The following C4orf50 variants were observed in gnomAD, a reference collection of about 807,000 sequenced individuals.
C4orf50 encodes the protein uncharacterized protein C4orf50.
Under a neutral mutation model 77.2 loss-of-function variants are expected in C4orf50, and 80 were observed. The observed-to-expected ratio is 1.04, with a 90% CI of 0.87 to 1.25. The LOEUF (loss-of-function observed/expected upper bound fraction) is 1.25, where lower values mean the gene tolerates loss of function less well. Among genes scored for constraint, C4orf50 ranks in the 50% most tolerant of loss-of-function variants. The probability of loss-of-function intolerance (pLI) is 0.00; values close to 1 mark genes in which losing one functional copy is unlikely to be tolerated. For missense variants in C4orf50, 1,257 were observed against 1,152.9 expected, an observed-to-expected ratio of 1.09 and a Z score of -1.31; for synonymous variants, 532 against 465.3, an observed-to-expected ratio of 1.14 and a Z score of -1.84.
chr4:5,939,441 C>T (rs1368413179), intron 7 of C4orf50, among the ~76,000 whole-genome samples: 2 of 152,190 alleles, frequency 1.3e-5, no homozygotes, highest in African/African-American at 2.4e-5. Context: ...TGAAACTCCC[C>T]CTTGGCTTTG....
intron 30 of C4orf50, 102 bp downstream of exon 8, chr4:5,975,797 A>T (rs1720242985): frequency 1.1e-6 from 1 of 951,290 alleles, no homozygotes; most frequent in African/African-American, 1.6e-5. Flanking sequence ...CCCTACCCAG[A>T]CTTTTATACA....
chr4:5,916,960 G>A lies in C4orf50; in HGVS notation c.*2475-18772C>T, dbSNP rs1323743452. On this transcript the variant is annotated intron_variant, in intron 7 of 7. Transcript: ENST00000324058. This position sits in a 1 kb window ranked among gnomAD's most constrained non-coding sequence, Gnocchi z 4.4. Reference sequence around the variant, plus strand: ...CTGAAGAGGGTGGAAATCCAGAGCTGGCTTTCCCTAGAAGTTGGAAGTTTC... The same window carrying A: ...CTGAAGAGGGTGGAAATCCAGAGCTAGCTTTCCCTAGAAGTTGGAAGTTTC... Among the ~76,000 whole-genome samples the A allele has an allele frequency of 6.6e-6, 1 of 152,154 alleles. No homozygotes were observed. Among genetic ancestry groups the A allele is most frequent in the Non-Finnish European group, 1.5e-5 (1 of 68,028 alleles).
At position 6,000,529 on chromosome 4, in the gene C4orf50, T is replaced by A. The variant is rs1241406348; in HGVS notation, c.964-6053A>T. On this transcript the variant is annotated intron_variant, in intron 25 of 33. Coordinates refer to ENST00000531445, the Ensembl canonical transcript of C4orf50. This position sits in a 1 kb window ranked among gnomAD's most constrained non-coding sequence, Gnocchi z 6.0. ...AGATGGACAGAGACTGGCAGCCTTG[T>A]CACATGCTGCAGCCTGGGTCCAGCC... Among the ~76,000 whole-genome samples the A allele has an allele frequency of 2.0e-5, 3 of 152,118 alleles. No homozygotes were observed. Among genetic ancestry groups the A allele is most frequent in the Admixed American group, 2.0e-4 (3 of 15,284 alleles).
At chr4:5,978,098 ACAG>A (rs896435904) in intron 29 of C4orf50, among the ~76,000 whole-genome samples, 29 of 152,268 alleles carry the variant, frequency 1.9e-4, no homozygotes, top group African/African-American at 7.0e-4. Flanking sequence ...ATCAGAAAAT[ACAG>A]CTCAAAACCA....
chr4:6,003,820 T>C (rs913860120), intron 25 of C4orf50, among the ~76,000 whole-genome samples: 1 of 108,082 alleles, frequency 9.3e-6, no homozygotes, highest in Admixed American at 1.0e-4. Flanking sequence ...ATGGTGATGA[T>C]GGTGATGGTG....
intron 28 of C4orf50, among the ~76,000 whole-genome samples, chr4:5,983,403 T>A (rs1301859426): frequency 1.3e-5 from 2 of 152,188 alleles, no homozygotes; most frequent in African/African-American, 4.8e-5. Context: ...CTGACTACTT[T>A]CTGTTTTTCC....
At chr4:5,989,547 T>A (rs1325080901) in exon 28 of C4orf50, 3 of 1,536,108 alleles carry the variant, frequency 2.0e-6, no homozygotes, top group Admixed American at 3.9e-5. Context: ...CTCCCCTACA[T>A]GCAGAGGCTG....
intron 25 of C4orf50, among the ~76,000 whole-genome samples, chr4:6,004,295 A>T (rs866311424): frequency 1.8e-3 from 83 of 45,236 alleles, no homozygotes; most frequent in South Asian, 5.1e-3. Flanking sequence ...GTTGGTGATG[A>T]TGGTGATGGT....
rs1722752575 is a variant in C4orf50 at position 6,018,202 on chromosome 4, T to C, written c.230A>G (p.Gln77Arg). 1 of 398,934 alleles carries C rather than the reference T, an allele frequency of 2.5e-6. No homozygotes were observed. Among genetic ancestry groups the C allele is most frequent in the African/African-American group, 2.1e-5 (1 of 48,630 alleles). 24.7% of individuals were successfully genotyped at this position (398,934 alleles called of 1,614,324 possible). Residue 77 changes from glutamine (Q) to arginine (R), a missense_variant, in exon 23 of 34, where the codon CAG becomes CGG. Gln to Arg is a conservative substitution (Grantham distance 43). Transcript: ENST00000531445. The surrounding 1 kb of genome is among the most constrained non-coding windows in gnomAD (Gnocchi z 5.1). The stretch of plus-strand genomic sequence containing the variant: ...CTTGTCCTCTGCTGCTGACAGCTTC[T>C]GCTCGGAGGACTCCAGCTGCCTCCT...
rs868734305 is a variant in C4orf50, at chr4:6,004,326, G to T, written c.963+3670C>A. Among the ~76,000 whole-genome samples the T allele has an allele frequency of 1.3e-4, 12 of 93,816 alleles. 1 individual carries two copies. The highest frequency in any genetic ancestry group is 5.9e-4 in the East Asian group (1 of 1,688). 61.5% of individuals were successfully genotyped at this position (93,816 alleles called of 152,430 possible). A position where few individuals can be genotyped will look rare whatever the true frequency, so the allele number is the denominator to read the frequency against. ...ATGGTGGTGATGATGTGATCGTAAT[G>T]GTGATGATGGTGATGGTGATGATGA... On this transcript the variant is annotated intron_variant, in intron 25 of 33. Transcript: ENST00000531445.
intron 25 of C4orf50, among the ~76,000 whole-genome samples, chr4:6,004,238 A>G (rs937632425): frequency 7.3e-4 from 18 of 24,636 alleles, no homozygotes; most frequent in East Asian, 2.8e-3. Flanking sequence ...GATGGTGATG[A>G]TGATGGTGAT....
rs1217544158 is a variant in C4orf50, at chr4:5,988,546, G to A, written c.3500C>T (p.Thr1167Ile). 5 of 1,537,280 alleles carry A rather than the reference G, an allele frequency of 3.3e-6. No individual in the cohort carries two copies. In the East Asian group the frequency reaches 9.8e-5, roughly 30 times the overall value. Residue 1167 changes from threonine (T) to isoleucine (I), a missense_variant, in exon 28 of 34, where the codon ACA becomes ATA. Thr to Ile is a moderately conservative substitution (Grantham distance 89). Transcript: ENST00000531445. ...ACCGCGTCTGGAATTCCCGGTGCCTGTGGAAGGTCCTGTCTGCCCTGCAGC... is the reference window on the plus strand; with the variant it reads ...ACCGCGTCTGGAATTCCCGGTGCCTATGGAAGGTCCTGTCTGCCCTGCAGC...
At chr4:5,995,558 T>C (rs933155692) in intron 25 of C4orf50, among the ~76,000 whole-genome samples, 1 of 150,838 alleles carries the variant, frequency 6.6e-6, no homozygotes, top group Non-Finnish European at 1.5e-5. Flanking sequence ...TGGGCACAGG[T>C]CTCCTCTGGG....
At chr4:5,981,203 A>G (rs1048533536) in intron 28 of C4orf50, among the ~76,000 whole-genome samples, 4 of 152,070 alleles carry the variant, frequency 2.6e-5, no homozygotes, top group Non-Finnish European at 5.9e-5. Context: ...GTTTTTCCAT[A>G]TTACCAAATA....
chr4:5,921,713 G>T (rs1717282829), intron 7 of C4orf50, among the ~76,000 whole-genome samples: 1 of 152,194 alleles, frequency 6.6e-6, no homozygotes, highest in African/African-American at 2.4e-5. Context: ...TCCATGCAAA[G>T]GTAGAGAGTT....
chr4:5,971,434 C>T (rs1315697979), intron 31 of C4orf50, among the ~76,000 whole-genome samples: 1 of 152,210 alleles, frequency 6.6e-6, no homozygotes, highest in Non-Finnish European at 1.5e-5. Context: ...CCCTGGGGAC[C>T]ACACTGCAGC....
intron 7 of C4orf50, among the ~76,000 whole-genome samples, chr4:5,935,601 C>A (rs569670692): frequency 6.6e-6 from 1 of 151,914 alleles, no homozygotes; most frequent in Non-Finnish European, 1.5e-5. Flanking sequence ...GCCTGGCCAA[C>A]ATAGTGAAAC....
chr4:5,988,644 C>T (rs987047226), exon 28 of C4orf50: 35 of 1,535,996 alleles, frequency 2.3e-5, no homozygotes, highest in Non-Finnish European at 3.0e-5. Context: ...GAGTCACCTG[C>T]ACCTCTTTGT....
intron 7 of C4orf50, among the ~76,000 whole-genome samples, chr4:5,906,539 C>T (rs1207553264): frequency 1.3e-5 from 2 of 152,174 alleles, no homozygotes; most frequent in Non-Finnish European, 1.5e-5. Context: ...AACAATGTGA[C>T]AGTGTGCAGA....
Sources: gnomAD v4.1 joint callset for allele counts (sites outside exome capture counted in the v4.1 genomes callset) on GRCh38, gnomAD v4.1.1 for gene constraint, Gnocchi (gnomAD v3.1) non-coding constraint, MANE v1.5 for transcripts, NCBI Gene and HGNC (gene_info 2026-07-23, HGNC 2026-07-21) for gene names.